Variants in ARHGAP15 observed in about 807,000 individuals in gnomAD.
ARHGAP15 encodes the protein Rho GTPase activating protein 15, also known as rho GTPase-activating protein 15.
A neutral mutation model predicts 63.7 loss-of-function variants in ARHGAP15; 51 were observed. The ratio of observed to expected loss-of-function variants is 0.80; its 90% CI spans 0.64 to 1.01. ARHGAP15 has a LOEUF of 1.01. Ranked by LOEUF, ARHGAP15 falls within the 50% of genes least tolerant of loss-of-function variation. The pLI is 0.00. For synonymous variants in ARHGAP15, 191 were observed against 193.8 expected, an observed-to-expected ratio of 0.99 and a Z score of 0.12; for missense variants, 560 against 564.6, an observed-to-expected ratio of 0.99 and a Z score of 0.08.
At chr2:143,186,157 C>A (rs1691439720) in intron 2 of ARHGAP15, among the ~76,000 whole-genome samples, 1 of 152,030 alleles carries the variant, frequency 6.6e-6, no homozygotes, top group Non-Finnish European at 1.5e-5. Flanking sequence ...GGTAAAGCCA[C>A]AAATAACCAG....
chr2:143,664,225 C>G (rs912838167), intron 12 of ARHGAP15, among the ~76,000 whole-genome samples: 9 of 152,190 alleles, frequency 5.9e-5, no homozygotes, highest in African/African-American at 1.9e-4. Flanking sequence ...ATCTCTCAGA[C>G]CACAGTGCAA....
intron 6 of ARHGAP15, among the ~76,000 whole-genome samples, chr2:143,281,676 G>A (rs1421739949): frequency 1.3e-5 from 2 of 151,980 alleles, no homozygotes; most frequent in East Asian, 3.9e-4. Flanking sequence ...GTTTCATTAT[G>A]GTAATACAAT....
At chr2:143,482,679 G>T (rs1167005655) in intron 8 of ARHGAP15, among the ~76,000 whole-genome samples, 1 of 152,208 alleles carries the variant, frequency 6.6e-6, no homozygotes. Context: ...AAGTTTGGCT[G>T]TTAAAATCAG....
chr2:143,461,454 A>G (rs899571487), intron 8 of ARHGAP15, among the ~76,000 whole-genome samples: 14 of 152,162 alleles, frequency 9.2e-5, no homozygotes, highest in Non-Finnish European at 1.9e-4. Context: ...CTTAGTGCTA[A>G]CTTTAGGGAG....
intron 2 of ARHGAP15, among the ~76,000 whole-genome samples, chr2:143,167,062 T>C (rs934314843): frequency 6.6e-6 from 1 of 152,114 alleles, no homozygotes; most frequent in Non-Finnish European, 1.5e-5. Context: ...TATTTTTGTT[T>C]CAACACGAAA....
chr2:143,484,741 AATTTAAATAATAAGATATTTT>A (rs1288565574), intron 8 of ARHGAP15, among the ~76,000 whole-genome samples: 3 of 152,172 alleles, frequency 2.0e-5, no homozygotes, highest in Non-Finnish European at 4.4e-5. Context: ...AAAAAGAAAC[AATTTAAATAATAAGATATTTT>A]ATTTAGCAGA....
chr2:143,664,999 C>T (rs908720380), intron 12 of ARHGAP15, among the ~76,000 whole-genome samples: 52 of 151,990 alleles, frequency 3.4e-4, no homozygotes, highest in Non-Finnish European at 6.5e-4. Context: ...CAAGGAGGAA[C>T]TGGTACCATT....
At chr2:143,646,771 C>T (rs1406916185) in intron 12 of ARHGAP15, among the ~76,000 whole-genome samples, 11 of 152,020 alleles carry the variant, frequency 7.2e-5, no homozygotes, top group Admixed American at 7.2e-4. Context: ...AAAGTGTGTC[C>T]TCTACTGCAA....
chr2:143,557,947 T>G (rs1310367821), intron 11 of ARHGAP15, among the ~76,000 whole-genome samples: 1 of 152,098 alleles, frequency 6.6e-6, no homozygotes, highest in East Asian at 1.9e-4. Context: ...CATCTTAACC[T>G]CCCTGTGCCT....
At chr2:143,432,871 A>G (rs1689447320) in intron 6 of ARHGAP15, among the ~76,000 whole-genome samples, 1 of 152,068 alleles carries the variant, frequency 6.6e-6, no homozygotes, top group Admixed American at 6.6e-5. Context: ...GTTTCTAAGC[A>G]AGATGGAGAC....
intron 6 of ARHGAP15, among the ~76,000 whole-genome samples, chr2:143,426,949 A>T (rs1353651655): frequency 1.3e-5 from 2 of 152,146 alleles, no homozygotes; most frequent in Non-Finnish European, 2.9e-5. Flanking sequence ...CCTGGAGTTG[A>T]ATTGTCTTGA....
intron 6 of ARHGAP15, among the ~76,000 whole-genome samples, chr2:143,293,146 G>C (rs1682483680): frequency 6.6e-6 from 1 of 151,984 alleles, no homozygotes; most frequent in African/African-American, 2.4e-5. Flanking sequence ...TTTGGGGTCT[G>C]GTTGTATTGA....
intron 6 of ARHGAP15, among the ~76,000 whole-genome samples, chr2:143,254,867 T>TA (rs10547943): frequency 0.017 from 2,513 of 148,852 alleles, 26 homozygotes; most frequent in Non-Finnish European, 0.023. Flanking sequence ...TCACTCCTAT[T>TA]AAAAAAAAAA....
intron 13 of ARHGAP15, among the ~76,000 whole-genome samples, chr2:143,755,068 A>G (rs1686522583): frequency 6.6e-6 from 1 of 152,130 alleles, no homozygotes; most frequent in African/African-American, 2.4e-5. Context: ...TCCCCAGATG[A>G]TACTTTGACT....
At chr2:143,696,740 T>C (rs140664797) in intron 12 of ARHGAP15, among the ~76,000 whole-genome samples, 1 of 152,310 alleles carries the variant, frequency 6.6e-6, no homozygotes, top group African/African-American at 2.4e-5. Context: ...AAAACATGAA[T>C]ATCTCCTGGA....
intron 6 of ARHGAP15, among the ~76,000 whole-genome samples, chr2:143,365,527 C>G (rs1210997845): frequency 1.3e-5 from 2 of 152,164 alleles, no homozygotes; most frequent in Non-Finnish European, 2.9e-5. Flanking sequence ...CTTTTAAGCA[C>G]TCGAAAATGT....
intron 12 of ARHGAP15, among the ~76,000 whole-genome samples, chr2:143,679,663 G>A (rs1198051751): frequency 3.3e-3 from 93 of 27,806 alleles, no homozygotes; most frequent in African/African-American, 5.5e-3. Context: ...GCGTGTGTGT[G>A]TGTGTGTGTG....
chr2:143,687,734 C>T (rs1275597368), intron 12 of ARHGAP15, among the ~76,000 whole-genome samples: 1 of 152,160 alleles, frequency 6.6e-6, no homozygotes, highest in Non-Finnish European at 1.5e-5. Context: ...TAAACGTTAT[C>T]ATTTTACCAA....
intron 10 of ARHGAP15, among the ~76,000 whole-genome samples, chr2:143,550,136 T>A (rs925661320): frequency 3.3e-5 from 5 of 152,186 alleles, no homozygotes; most frequent in African/African-American, 1.2e-4. Context: ...GCTATAAGTT[T>A]AAAGAGAAAT....
Sources: allele counts gnomAD v4.1 joint callset (sites outside exome capture counted in the v4.1 genomes callset), GRCh38; gene constraint gnomAD v4.1.1; transcripts MANE v1.5; gene names NCBI Gene and HGNC (gene_info 2026-07-23, HGNC 2026-07-21).